KIAA1671: variants seen among roughly 807,000 people sequenced by gnomAD.
The protein encoded by KIAA1671 is KIAA1671, also known as uncharacterized protein KIAA1671.
Under a neutral mutation model 131.2 loss-of-function variants are expected in KIAA1671, and 52 were observed. That is an observed-to-expected ratio of 0.40 (90% confidence interval 0.32 to 0.50). KIAA1671 has a LOEUF of 0.50. KIAA1671 is among the 20% of genes least tolerant of loss of function. KIAA1671 has a pLI of 0.73. For synonymous variants in KIAA1671, 1,003 were observed against 961.6 expected (o/e 1.04, Z -0.80); for missense variants, 2,360 against 2,364.2 (o/e 1.00, Z 0.04).
chr22:24,974,715 G>A (rs1922824754), intron 1 of KIAA1671, among the ~76,000 whole-genome samples: 1 of 120,836 alleles, frequency 8.3e-6, no homozygotes, highest in South Asian at 2.7e-4. Flanking sequence ...TTTTTGAGAC[G>A]GGTGTCTTGC....
chr22:25,017,025 G>A (rs979190603), intron 1 of KIAA1671, among the ~76,000 whole-genome samples: 1 of 152,138 alleles, frequency 6.6e-6, no homozygotes, highest in African/African-American at 2.4e-5. Flanking sequence ...TTAAGGGGGT[G>A]GTTTATGCAA....
chr22:25,070,613 T>C lies in KIAA1671; in HGVS notation c.4530+21249T>C, dbSNP rs535680464. Among the ~76,000 whole-genome samples the C allele has an allele frequency of 3.8e-4, 58 of 152,234 alleles. 2 individuals are homozygous for C. The highest frequency in any genetic ancestry group is 1.3e-3 in the African/African-American group (56 of 41,498). On this transcript the variant is annotated intron_variant, in intron 6 of 12. Transcript: ENST00000358431. Reference sequence around the variant, plus strand: ...GCTTGGTTTGGGAGGTAGCACAGGTTTGTAGGAAGAGCTGAGACTCCTGAA... The same window carrying C: ...GCTTGGTTTGGGAGGTAGCACAGGTCTGTAGGAAGAGCTGAGACTCCTGAA...
chr22:25,137,030 A>G (rs1166711354), intron 6 of KIAA1671, among the ~76,000 whole-genome samples: 4 of 152,184 alleles, frequency 2.6e-5, no homozygotes, highest in Non-Finnish European at 5.9e-5. Context: ...ATTCTGTTCA[A>G]AGATAACCAG....
chr22:25,049,343 CAGG>C lies in KIAA1671; in HGVS notation c.4515_4517del (p.Arg1505del). 7 of 1,551,298 alleles carry C rather than the reference CAGG, an allele frequency of 4.5e-6. No individual in the cohort carries two copies. The South Asian group carries it at 8.3e-5, about 18-fold the overall frequency. On this transcript the variant is annotated inframe_deletion, in exon 6 of 13. Coordinates refer to ENST00000358431, the MANE Select transcript of KIAA1671 (RefSeq NM_001145206.2). ...GGAGAAGCCACAGCTTCTGCAAAGA[CAGG>C]AGGAGTGGGCCCTTTGTGGTGAGTG...
chr22:24,955,617 G>A (rs1192315771), intron 1 of KIAA1671, among the ~76,000 whole-genome samples: 1 of 152,192 alleles, frequency 6.6e-6, no homozygotes, highest in Non-Finnish European at 1.5e-5. Flanking sequence ...CTCTGCAGGT[G>A]AGGGGCAGGG....
At chr22:25,037,842 T>TA (rs1164884582) in intron 4 of KIAA1671, among the ~76,000 whole-genome samples, 1 of 152,134 alleles carries the variant, frequency 6.6e-6, no homozygotes, top group African/African-American at 2.4e-5. Context: ...TAATTCCTTT[T>TA]ATTTATTTAT....
rs138459845 is a variant in KIAA1671, at chr22:24,966,898, G to A, written c.-208+14126G>A. ...TTGAGCCAGGGAGGTTGAGGCTGCA[G>A]TGAGCTGTGATTGTGCCACTGCACT... On this transcript the variant is annotated intron_variant, in intron 1 of 12. Transcript: ENST00000358431. Among the ~76,000 whole-genome samples, 596 of 152,310 alleles carry A rather than the reference G, an allele frequency of 3.9e-3. 21 individuals are homozygous for A. In the East Asian group the frequency reaches 0.077, roughly 20 times the overall value.
chr22:24,994,048 T>G lies in KIAA1671; in HGVS notation c.-207-31585T>G, dbSNP rs548497443. On this transcript the variant is annotated intron_variant, in intron 1 of 12. Coordinates refer to ENST00000358431, the MANE Select transcript of KIAA1671 (RefSeq NM_001145206.2). ...GTGAGCCAAGATCACGCCATTGCAC[T>G]CCAACCTAGGCAACAAGAACAAAAC... 1.8e-4 allele frequency among the ~76,000 whole-genome samples: 27 copies of G among 150,742 alleles called. No individual in the cohort carries two copies. The East Asian group carries it at 2.6e-3, about 14-fold the overall frequency.
At chr22:24,966,267 G>A (rs1433945785) in intron 1 of KIAA1671, among the ~76,000 whole-genome samples, 2 of 152,170 alleles carry the variant, frequency 1.3e-5, no homozygotes, top group Admixed American at 6.5e-5. Context: ...CCTGTTTACC[G>A]ATGGCTTAGC....
chr22:25,103,303 C>A (rs1184328957), intron 6 of KIAA1671, among the ~76,000 whole-genome samples: 1 of 151,734 alleles, frequency 6.6e-6, no homozygotes, highest in East Asian at 1.9e-4. Context: ...CTCTGCCTCC[C>A]AGGTTCAAGC....
At chr22:25,185,486 A>C in intron 11 of KIAA1671, 2 of 201,668 alleles carry the variant, frequency 9.9e-6, no homozygotes, top group Non-Finnish European at 2.0e-5. Flanking sequence ...TATCTTTATT[A>C]TCAGAGATCT....
At chr22:24,958,073 A>T (rs1402168822) in intron 1 of KIAA1671, among the ~76,000 whole-genome samples, 1 of 146,542 alleles carries the variant, frequency 6.8e-6, no homozygotes, top group Non-Finnish European at 1.5e-5. Context: ...GAGGTTATTG[A>T]TGTGCTGCGA....
intron 1 of KIAA1671, among the ~76,000 whole-genome samples, chr22:25,020,052 A>T (rs1479856127): frequency 6.6e-6 from 1 of 152,286 alleles, no homozygotes; most frequent in African/African-American, 2.4e-5. Flanking sequence ...TTACTTCCAG[A>T]GGATACATTT....
intron 1 of KIAA1671, among the ~76,000 whole-genome samples, chr22:25,000,990 T>C (rs918248523): frequency 1.3e-5 from 2 of 152,140 alleles, no homozygotes; most frequent in Admixed American, 6.6e-5. Flanking sequence ...AACTTTTTTT[T>C]CATGTGCTTA....
intron 1 of KIAA1671, among the ~76,000 whole-genome samples, chr22:25,002,576 CT>C (rs1924533460): frequency 6.6e-6 from 1 of 152,152 alleles, no homozygotes; most frequent in Non-Finnish European, 1.5e-5. Flanking sequence ...GCCAGAAAAA[CT>C]GCAGATGTCC....
chr22:25,093,830 CTCTG>C lies in KIAA1671; in HGVS notation c.4530+44474_4530+44477del, dbSNP rs1568951558. On this transcript the variant is annotated intron_variant, in intron 6 of 12. Transcript: ENST00000358431. Reference sequence around the variant, plus strand: ...TCTCTCTGTCTCTCTCTCTTTCTCTCTCTGTCTGTCTCTCTCTCTCTCTCTCTCT... The same window carrying C: ...TCTCTCTGTCTCTCTCTCTTTCTCTCTCTGTCTCTCTCTCTCTCTCTCTCT... Among the ~76,000 whole-genome samples the C allele has an allele frequency of 3.7e-4, 30 of 80,344 alleles. 1 individual carries two copies. Among genetic ancestry groups the C allele is most frequent in the African/African-American group, 5.4e-4 (9 of 16,578 alleles). The allele number at this position is 80,344 out of a possible 152,430, so 52.7% of individuals were successfully genotyped here.
intron 1 of KIAA1671, among the ~76,000 whole-genome samples, chr22:25,025,362 G>T (rs1001642357): frequency 1.2e-3 from 182 of 152,214 alleles, no homozygotes; most frequent in African/African-American, 3.9e-3. Flanking sequence ...GGTTGCAGGG[G>T]ATGTTTCATG....
chr22:24,987,833 T>C (rs1479243019), intron 1 of KIAA1671, among the ~76,000 whole-genome samples: 4 of 152,148 alleles, frequency 2.6e-5, no homozygotes, highest in South Asian at 2.1e-4. Flanking sequence ...TACTGAGACA[T>C]GGGGAAGGAG....
chr22:25,068,949 A>C (rs1035635087), intron 6 of KIAA1671, among the ~76,000 whole-genome samples: 1 of 152,178 alleles, frequency 6.6e-6, no homozygotes. Flanking sequence ...CCCTCTCAGC[A>C]GTGAGAAGGA....
Sources: allele counts gnomAD v4.1 joint callset (sites outside exome capture counted in the v4.1 genomes callset), GRCh38; gene constraint gnomAD v4.1.1; transcripts MANE v1.5; gene names NCBI Gene and HGNC (gene_info 2026-07-23, HGNC 2026-07-21).